The following MAD1L1 variants were observed in gnomAD, a reference collection of about 807,000 sequenced individuals.
MAD1L1 encodes mitotic arrest deficient 1 like 1.
MAD1L1 carries 95 observed loss-of-function variants against 96.9 expected under a neutral mutation model. The ratio of observed to expected loss-of-function variants is 0.98; its 90% confidence interval spans 0.83 to 1.16. The LOEUF is 1.16. MAD1L1 is among the 50% of genes most tolerant of loss of function. MAD1L1 has a pLI of 0.00. For missense variants in MAD1L1, 1,007 were observed against 954.4 expected (o/e 1.06, Z -0.73); for synonymous variants, 473 against 396.6 (o/e 1.19, Z -2.29).
chr7:2,138,662 C>T (rs7800659), intron 11 of MAD1L1, among the ~76,000 whole-genome samples: 2,278 of 152,078 alleles, frequency 0.015, 56 homozygotes, highest in African/African-American at 0.052. Context: ...GAACCCCAGG[C>T]CCAGGGGCCA....
intron 17 of MAD1L1, among the ~76,000 whole-genome samples, chr7:1,930,991 ACGGT>A (rs1789439825): frequency 6.6e-6 from 1 of 151,218 alleles, no homozygotes; most frequent in African/African-American, 2.5e-5. Context: ...CAGCCTACCC[ACGGT>A]CACAGGAGCG....
chr7:1,916,303 C>T (rs990216387), intron 17 of MAD1L1, among the ~76,000 whole-genome samples: 1 of 152,162 alleles, frequency 6.6e-6, no homozygotes, highest in African/African-American at 2.4e-5. Context: ...AGACTTGTAC[C>T]CAAACGTCCA....
At chr7:1,916,259 C>T (rs973260502) in intron 17 of MAD1L1, among the ~76,000 whole-genome samples, 4 of 152,308 alleles carry the variant, frequency 2.6e-5, no homozygotes, top group African/African-American at 9.6e-5. Context: ...AAATTCCCCT[C>T]CCGTCTGGAG....
At chr7:2,143,531 C>T (rs972823631) in intron 11 of MAD1L1, among the ~76,000 whole-genome samples, 1 of 151,784 alleles carries the variant, frequency 6.6e-6, no homozygotes, top group African/African-American at 2.4e-5. Context: ...AAAGCACCGT[C>T]TGTGACAGAA....
At chr7:2,232,085 A>G (rs3757436) in intron 1 of MAD1L1, among the ~76,000 whole-genome samples, 3,882 of 152,310 alleles carry the variant, frequency 0.025, 72 homozygotes, top group East Asian at 0.042. Context: ...CTGAAGACAA[A>G]CCGCAGTAAA....
intron 18 of MAD1L1, chr7:1,844,042 T>C (rs1783439007): frequency 6.5e-6 from 1 of 154,446 alleles, no homozygotes; most frequent in African/African-American, 2.4e-5. Context: ...GCAGGAACAC[T>C]TGTGCAAGGC....
At chr7:1,834,856 G>A (rs1028773301) in intron 18 of MAD1L1, among the ~76,000 whole-genome samples, 16 of 151,766 alleles carry the variant, frequency 1.1e-4, no homozygotes, top group Middle Eastern at 3.4e-3. Context: ...ATTACAAGCC[G>A]CACCCCCCCA....
intron 11 of MAD1L1, among the ~76,000 whole-genome samples, chr7:2,143,546 T>C (rs986861650): frequency 3.3e-5 from 5 of 151,406 alleles, no homozygotes; most frequent in Non-Finnish European, 5.9e-5. Context: ...ACAGAAAACA[T>C]GGTGATATCC....
At chr7:2,231,989 T>C (rs1794215554) in intron 1 of MAD1L1, among the ~76,000 whole-genome samples, 1 of 152,188 alleles carries the variant, frequency 6.6e-6, no homozygotes, top group African/African-American at 2.4e-5. Flanking sequence ...TAGGTCTTTT[T>C]ACACAGATTC....
intron 14 of MAD1L1, among the ~76,000 whole-genome samples, chr7:1,984,114 T>G (rs185716760): frequency 1.6e-4 from 24 of 152,376 alleles, no homozygotes; most frequent in African/African-American, 5.0e-4. Context: ...AGTGTTTTCA[T>G]GACAATTATT....
At chr7:2,060,360 T>G (rs377298597) in intron 12 of MAD1L1, among the ~76,000 whole-genome samples, 18 of 150,424 alleles carry the variant, frequency 1.2e-4, no homozygotes, top group African/African-American at 4.2e-4. Context: ...GATATGCTGA[T>G]GCCAAGATAC....
At chr7:1,946,228 C>A (rs1346182046) in intron 16 of MAD1L1, among the ~76,000 whole-genome samples, 2 of 152,222 alleles carry the variant, frequency 1.3e-5, no homozygotes, top group Non-Finnish European at 2.9e-5. Context: ...TAGCTGCAGG[C>A]CCAGGGGGTC....
In MAD1L1 at chr7:2,114,510, C is replaced by T. The variant is rs1349466458; in HGVS notation, c.1073+34642G>A. Among the ~76,000 whole-genome samples, 3 of 152,206 alleles carry T rather than the reference C, an allele frequency of 2.0e-5. No individual in the cohort carries two copies. The highest frequency in any genetic ancestry group is 2.1e-4 in the South Asian group (1 of 4,830). ...AGCCTGGCTGCCGGGATCAATCTTG[C>T]GGGTCACCTCCCTGCAGCAAGGCCC... On this transcript the variant is annotated intron_variant, in intron 11 of 18. Coordinates refer to ENST00000265854, the MANE Select transcript of MAD1L1 (RefSeq NM_001013836.2). The surrounding 1 kb of genome is among the most constrained non-coding windows in gnomAD (Gnocchi z 4.2).
intron 5 of MAD1L1, among the ~76,000 whole-genome samples, chr7:2,219,778 C>T (rs1465299664): frequency 6.6e-6 from 1 of 152,064 alleles, no homozygotes; most frequent in Non-Finnish European, 1.5e-5. Flanking sequence ...GCAGGGCCCA[C>T]CCTCCTCCTG....
chr7:1,915,887 CACTA>C (rs1440830436), intron 17 of MAD1L1, among the ~76,000 whole-genome samples: 2 of 152,186 alleles, frequency 1.3e-5, no homozygotes, highest in East Asian at 3.9e-4. Context: ...CTACCACCAT[CACTA>C]CCACAGGAAA....
intron 16 of MAD1L1, among the ~76,000 whole-genome samples, chr7:1,937,396 T>C (rs1179200458): frequency 6.6e-6 from 1 of 152,166 alleles, no homozygotes; most frequent in Non-Finnish European, 1.5e-5. Flanking sequence ...TCAGCGTGGG[T>C]GGCTCAGGAA....
chr7:2,054,716 G>A (rs186803688), intron 12 of MAD1L1, among the ~76,000 whole-genome samples: 193 of 152,294 alleles, frequency 1.3e-3, no homozygotes, highest in Middle Eastern at 3.4e-3. Context: ...GAGCAAACAC[G>A]ACCCTGGAAG....
chr7:1,818,711 A>C (rs1781961234), intron 18 of MAD1L1, among the ~76,000 whole-genome samples: 1 of 152,030 alleles, frequency 6.6e-6, no homozygotes, highest in African/African-American at 2.4e-5. Context: ...TCTTTATTTG[A>C]AACAGGTGCA....
At chr7:1,840,242 C>T (rs1783176326) in intron 18 of MAD1L1, among the ~76,000 whole-genome samples, 2 of 152,230 alleles carry the variant, frequency 1.3e-5, no homozygotes, top group Non-Finnish European at 2.9e-5. Flanking sequence ...CAAGTGAGAT[C>T]CTGAGGCCAG....
Sources: allele counts gnomAD v4.1 joint callset (sites outside exome capture counted in the v4.1 genomes callset), GRCh38; gene constraint gnomAD v4.1.1; non-coding constraint Gnocchi (gnomAD v3.1); transcripts MANE v1.5; gene names NCBI Gene and HGNC (gene_info 2026-07-23, HGNC 2026-07-21).